Variants in PSD3 observed in about 807,000 individuals in gnomAD.
PSD3 encodes PH and SEC7 domain-containing protein 3.
PSD3 carries 49 observed loss-of-function variants against 105.5 expected under a neutral mutation model. That is an observed-to-expected ratio of 0.46 (90% CI 0.37 to 0.59). PSD3 has a LOEUF of 0.59. PSD3 is among the 20% of genes least tolerant of loss of function. The pLI is 0.00. For synonymous variants in PSD3, 557 were observed against 457.8 expected, an observed-to-expected ratio of 1.22 and a Z score of -2.77; for missense variants, 1,561 against 1,263.8, an observed-to-expected ratio of 1.24 and a Z score of -3.57.
chr8:18,536,820 G>C (rs1484057796), intron 15 of PSD3, among the ~76,000 whole-genome samples: 2 of 151,784 alleles, frequency 1.3e-5, no homozygotes, highest in African/African-American at 2.4e-5. Context: ...GCAAATTAGA[G>C]AAGGGTCTCA....
chr8:18,752,571 ATATAATT>A (rs1805649737), intron 9 of PSD3, among the ~76,000 whole-genome samples: 1 of 82,280 alleles, frequency 1.2e-5, no homozygotes, highest in African/African-American at 7.0e-5. Flanking sequence ...TATATTATAT[ATATAATT>A]ATATATATTA....
At chr8:18,764,338 T>G (rs1451967708) in intron 9 of PSD3, among the ~76,000 whole-genome samples, 1 of 152,170 alleles carries the variant, frequency 6.6e-6, no homozygotes, top group Non-Finnish European at 1.5e-5. Context: ...ACCATTTATC[T>G]CCCGCTCCCA....
In PSD3 at chr8:18,666,732, G is replaced by C. The variant is rs567440299; in HGVS notation, c.2173-11047C>G. Among the ~76,000 whole-genome samples the C allele has an allele frequency of 6.4e-3, 923 of 143,246 alleles. 33 individuals are homozygous for C. In the East Asian group the frequency reaches 0.086, roughly 13 times the overall value. 94.0% of individuals were successfully genotyped at this position (143,246 alleles called of 152,430 possible). Reference sequence around the variant, plus strand: ...TCACTATTGCTTTTTTTTGGGGGGTGGGGGGAAGTAGCTGGAAGCACACAT... The same window carrying C: ...TCACTATTGCTTTTTTTTGGGGGGTCGGGGGAAGTAGCTGGAAGCACACAT... On this transcript the variant is annotated intron_variant, in intron 9 of 15. Transcript: ENST00000327040.
chr8:18,758,429 T>C (rs1806238874), intron 9 of PSD3, among the ~76,000 whole-genome samples: 1 of 151,810 alleles, frequency 6.6e-6, no homozygotes, highest in Non-Finnish European at 1.5e-5. Flanking sequence ...TTTTTTTTTT[T>C]TTAAGAAGAA....
chr8:18,966,211 A>T (rs1586543495), intron 1 of PSD3, among the ~76,000 whole-genome samples: 1 of 152,306 alleles, frequency 6.6e-6, no homozygotes, highest in East Asian at 1.9e-4. Context: ...TACCACATAC[A>T]TTCCAGGTGG....
chr8:18,831,746 TAAAC>T lies in PSD3; in HGVS notation c.1635-26852_1635-26849del, dbSNP rs893177910. 1.6e-4 allele frequency among the ~76,000 whole-genome samples: 25 copies of T among 151,932 alleles called. No individual in the cohort carries two copies. In the East Asian group the frequency reaches 4.3e-3, roughly 26 times the overall value. On this transcript the variant is annotated intron_variant, in intron 4 of 15. Coordinates refer to ENST00000327040, the MANE Select transcript of PSD3 (RefSeq NM_015310.4). ...CAAAAAATAAACAAATGAAATAAAATAAACAAACAAACACGACATCAAACAGGTT... is the reference window on the plus strand; with the variant it reads ...CAAAAAATAAACAAATGAAATAAAATAAACAAACACGACATCAAACAGGTT...
At chr8:18,592,661 C>A (rs1165010005) in intron 12 of PSD3, among the ~76,000 whole-genome samples, 1 of 152,090 alleles carries the variant, frequency 6.6e-6, no homozygotes, top group African/African-American at 2.4e-5. Context: ...CCAGAAGTGA[C>A]TGTGATGATA....
intron 1 of PSD3, among the ~76,000 whole-genome samples, chr8:18,949,238 AAAAAAAAT>A (rs1293997833): frequency 4.3e-4 from 19 of 43,800 alleles, no homozygotes; most frequent in African/African-American, 9.6e-4. Context: ...AAAAAAAAAA[AAAAAAAAT>A]ATATATATAT....
chr8:18,637,794 T>C (rs1247970729), intron 10 of PSD3, among the ~76,000 whole-genome samples: 1 of 152,188 alleles, frequency 6.6e-6, no homozygotes, highest in Non-Finnish European at 1.5e-5. Flanking sequence ...TGCCAGTCTC[T>C]CATAGATCAG....
At chr8:18,804,475 C>T in intron 6 of PSD3, 47 bp downstream of exon 6, 1 of 1,463,038 alleles carries the variant, frequency 6.8e-7, no homozygotes, top group Non-Finnish European at 9.5e-7. Flanking sequence ...TCTCTAAGAA[C>T]TAATCATTTG....
intron 2 of PSD3, among the ~76,000 whole-genome samples, chr8:18,919,654 C>T (rs1490160474): frequency 1.3e-5 from 2 of 151,982 alleles, no homozygotes; most frequent in Non-Finnish European, 2.9e-5. Context: ...TCCTTCACTT[C>T]CCTGCGCAAT....
intron 1 of PSD3, among the ~76,000 whole-genome samples, chr8:19,024,569 C>G (rs1373698289): frequency 6.6e-6 from 1 of 152,152 alleles, no homozygotes; most frequent in Non-Finnish European, 1.5e-5. Flanking sequence ...AAGCCACTTA[C>G]GATGACACCT....
intron 9 of PSD3, among the ~76,000 whole-genome samples, chr8:18,750,937 A>T (rs1805431232): frequency 6.6e-6 from 1 of 151,150 alleles, no homozygotes; most frequent in South Asian, 2.1e-4. Flanking sequence ...AGACATAAAG[A>T]CTCTCCACCT....
At chr8:18,920,427 G>A (rs777410988) in intron 2 of PSD3, among the ~76,000 whole-genome samples, 2 of 152,224 alleles carry the variant, frequency 1.3e-5, no homozygotes, top group Non-Finnish European at 2.9e-5. Context: ...TGAAAGCAAG[G>A]TTCGAGTGTG....
chr8:18,840,884 T>A (rs1240190643), intron 4 of PSD3, among the ~76,000 whole-genome samples: 1 of 152,190 alleles, frequency 6.6e-6, no homozygotes, highest in African/African-American at 2.4e-5. Context: ...CGGTGTGACA[T>A]TGGGCAAGTT....
intron 9 of PSD3, among the ~76,000 whole-genome samples, chr8:18,711,083 AATG>A (rs1268021517): frequency 6.6e-6 from 1 of 152,214 alleles, no homozygotes; most frequent in Non-Finnish European, 1.5e-5. Flanking sequence ...CAGACAAGCA[AATG>A]ATGACAGAAT....
intron 9 of PSD3, chr8:18,730,176 T>G (rs933095620): frequency 6.6e-6 from 1 of 152,198 alleles, no homozygotes; most frequent in African/African-American, 2.4e-5. Context: ...CTATGAAATG[T>G]TTCCGTGGGA....
chr8:18,553,127 G>T (rs1800876647), intron 15 of PSD3, among the ~76,000 whole-genome samples: 1 of 152,190 alleles, frequency 6.6e-6, no homozygotes, highest in Admixed American at 6.5e-5. Flanking sequence ...CACTCCTGGT[G>T]TTATTACTAA....
intron 2 of PSD3, among the ~76,000 whole-genome samples, chr8:18,899,665 C>T (rs1308341892): frequency 1.3e-5 from 2 of 152,000 alleles, no homozygotes; most frequent in East Asian, 1.9e-4. Flanking sequence ...GGGTATTGTC[C>T]TATATCAAAA....
Sources: gnomAD v4.1 joint callset for allele counts (sites outside exome capture counted in the v4.1 genomes callset) on GRCh38, gnomAD v4.1.1 for gene constraint, MANE v1.5 for transcripts, NCBI Gene and HGNC (gene_info 2026-07-23, HGNC 2026-07-21) for gene names.